The following GRK3 variants were observed in gnomAD, a reference collection of about 807,000 sequenced individuals.
GRK3 encodes G protein-coupled receptor kinase 3, also known as adrenergic, beta, receptor kinase 2.
GRK3 carries 54 observed loss-of-function variants against 95.7 expected under a neutral mutation model. That is an observed-to-expected ratio of 0.56 (90% CI 0.45 to 0.71). The LOEUF is 0.71. Among genes scored for constraint, GRK3 ranks in the 30% least tolerant of loss-of-function variants. GRK3 has a pLI of 0.00. For missense variants in GRK3, 649 were observed against 851.2 expected, an observed-to-expected ratio of 0.76 and a Z score of 2.96; for synonymous variants, 281 against 290.8, an observed-to-expected ratio of 0.97 and a Z score of 0.34.
At chr22:25,643,005 T>C (rs1242785622) in intron 2 of GRK3, among the ~76,000 whole-genome samples, 2 of 152,194 alleles carry the variant, frequency 1.3e-5, no homozygotes, top group Admixed American at 6.5e-5. Context: ...AATCAGTGTC[T>C]GAAAAATCCC....
In GRK3 at chr22:25,604,363, C is replaced by T. The variant is rs751895901; in HGVS notation, c.114-14C>T. The T allele has an allele frequency of 1.6e-5, 25 of 1,599,738 alleles. No individual in the cohort carries two copies. The South Asian group carries it at 1.8e-4, about 11-fold the overall frequency. Reference sequence around the variant, plus strand: ...AGGCTGTATTGTTAAAAATGTGTCACTCTTCCCTTCCAGTATCCGGAGTGT... The same window carrying T: ...AGGCTGTATTGTTAAAAATGTGTCATTCTTCCCTTCCAGTATCCGGAGTGT... On this transcript the variant is annotated splice_polypyrimidine_tract_variant and intron_variant, in intron 1 of 20. Transcript: ENST00000324198.
chr22:25,710,031 C>G (rs1363306740), intron 16 of GRK3, 67 bp downstream of exon 16: 1 of 1,206,430 alleles, frequency 8.3e-7, no homozygotes, highest in Non-Finnish European at 1.2e-6. Context: ...ATCTCTGTCT[C>G]AGTTTCTGTC....
chr22:25,674,911 C>T (rs1201888726), intron 8 of GRK3, among the ~76,000 whole-genome samples: 1 of 151,876 alleles, frequency 6.6e-6, no homozygotes, highest in Non-Finnish European at 1.5e-5. Flanking sequence ...TTTGCCACTG[C>T]ACTCTAGCCT....
intron 18 of GRK3, among the ~76,000 whole-genome samples, chr22:25,715,403 T>C (rs1048266153): frequency 4.0e-5 from 6 of 151,762 alleles, no homozygotes; most frequent in Non-Finnish European, 1.5e-5. Context: ...TCCCAGGGAC[T>C]GGGGGGCCGA....
intron 3 of GRK3, chr22:25,649,242 T>A: frequency 8.3e-7 from 1 of 1,199,658 alleles, no homozygotes; most frequent in Non-Finnish European, 1.2e-6. Flanking sequence ...CTAATTCAAG[T>A]AGCCTATTTT....
At chr22:25,699,230 T>C (rs953360157) in intron 13 of GRK3, among the ~76,000 whole-genome samples, 1 of 152,090 alleles carries the variant, frequency 6.6e-6, no homozygotes, top group African/African-American at 2.4e-5. Flanking sequence ...TCCTGTGCAT[T>C]TTTCCTGTGT....
chr22:25,688,235 CAAAAAAA>C (rs35383882), intron 11 of GRK3, among the ~76,000 whole-genome samples: 2 of 63,490 alleles, frequency 3.2e-5, no homozygotes, highest in Non-Finnish European at 6.4e-5. Context: ...GACTCTGTCT[CAAAAAAA>C]AAAAAAAAAA....
intron 5 of GRK3, among the ~76,000 whole-genome samples, chr22:25,665,888 G>A (rs1411277119): frequency 6.6e-6 from 1 of 152,174 alleles, no homozygotes; most frequent in Non-Finnish European, 1.5e-5. Context: ...TAAGTGCATA[G>A]GTCCATTGGT....
intron 18 of GRK3, among the ~76,000 whole-genome samples, 189 bp downstream of exon 18, chr22:25,714,759 A>G (rs987775989): frequency 5.9e-5 from 9 of 152,192 alleles, no homozygotes; most frequent in Non-Finnish European, 1.2e-4. Flanking sequence ...GGCAGCACAC[A>G]AATAAGTCTA....
chr22:25,565,343 G>T (rs1262222417), intron 1 of GRK3, among the ~76,000 whole-genome samples, 190 bp downstream of exon 1: 1 of 152,160 alleles, frequency 6.6e-6, no homozygotes, highest in Admixed American at 6.5e-5. Flanking sequence ...GCCGGTGGGG[G>T]GCACCCCGGG....
intron 1 of GRK3, among the ~76,000 whole-genome samples, chr22:25,575,462 G>T (rs1931856578): frequency 6.6e-6 from 1 of 152,172 alleles, no homozygotes; most frequent in Admixed American, 6.5e-5. Context: ...GTATTGAAAT[G>T]ATCTTAGTGA....
chr22:25,606,441 G>A (rs1397821708), intron 2 of GRK3, among the ~76,000 whole-genome samples: 2 of 152,164 alleles, frequency 1.3e-5, no homozygotes, highest in Non-Finnish European at 1.5e-5. Context: ...CTCACTTTCT[G>A]CCTGGTCTCA....
chr22:25,655,178 G>A (rs1387744518), intron 3 of GRK3, among the ~76,000 whole-genome samples: 2 of 151,978 alleles, frequency 1.3e-5, no homozygotes, highest in Non-Finnish European at 2.9e-5. Flanking sequence ...CCACTTTCCT[G>A]TGTCCCCAAA....
intron 2 of GRK3, among the ~76,000 whole-genome samples, chr22:25,638,911 G>T (rs1056325320): frequency 6.6e-6 from 1 of 152,156 alleles, no homozygotes; most frequent in Non-Finnish European, 1.5e-5. Context: ...TCTTAGAGTG[G>T]CTTAATTTAC....
At chr22:25,626,215 C>T (rs979015165) in intron 2 of GRK3, among the ~76,000 whole-genome samples, 1 of 152,190 alleles carries the variant, frequency 6.6e-6, no homozygotes, top group East Asian at 1.9e-4. Flanking sequence ...AGGCGTGAGC[C>T]ACCGCGCCAG....
chr22:25,669,355 G>A (rs2084963409), intron 6 of GRK3, among the ~76,000 whole-genome samples: 2 of 152,200 alleles, frequency 1.3e-5, no homozygotes, highest in African/African-American at 4.8e-5. Flanking sequence ...GGAGAGGGCA[G>A]TGGAGGCTTT....
At position 25,666,700 on chromosome 22, in the gene GRK3, A is replaced by G. The variant is rs187980318; in HGVS notation, c.442-1039A>G. Among the ~76,000 whole-genome samples the G allele has an allele frequency of 2.0e-5, 3 of 152,132 alleles. No homozygotes were observed. In the East Asian group the frequency reaches 5.8e-4, roughly 29 times the overall value. ...TGTTTGGTTCCTGTGGCTTCTGCAG[A>G]CTTCCTATTCTCATCACTTGGTTTG... is the stretch of plus-strand genomic sequence containing the variant. On this transcript the variant is annotated intron_variant, in intron 5 of 20. Coordinates refer to ENST00000324198, the MANE Select transcript of GRK3 (RefSeq NM_005160.4).
intron 3 of GRK3, chr22:25,648,269 C>A: frequency 1.2e-6 from 1 of 829,080 alleles, no homozygotes. Context: ...ATGGTAGATA[C>A]TATATCACAA....
intron 1 of GRK3, among the ~76,000 whole-genome samples, chr22:25,591,182 A>G (rs1260079467): frequency 3.9e-5 from 6 of 152,098 alleles, no homozygotes; most frequent in Non-Finnish European, 8.8e-5. Flanking sequence ...AGAACAACTC[A>G]CAGAACTCAG....
Sources: gnomAD v4.1 joint callset for allele counts (sites outside exome capture counted in the v4.1 genomes callset) on GRCh38, gnomAD v4.1.1 for gene constraint, MANE v1.5 for transcripts, NCBI Gene and HGNC (gene_info 2026-07-23, HGNC 2026-07-21) for gene names.